RIMS1: variants seen among roughly 807,000 people sequenced by gnomAD.
RIMS1 encodes the protein regulating synaptic membrane exocytosis protein 1.
RIMS1 carries 83 observed loss-of-function variants against 214.1 expected under a neutral mutation model. The observed-to-expected ratio is 0.39, with a 90% CI of 0.32 to 0.47. The LOEUF (loss-of-function observed/expected upper bound fraction) is 0.47. RIMS1 is among the 20% of genes least tolerant of loss of function. RIMS1 has a pLI of 0.99. For synonymous variants in RIMS1, 793 were observed against 786.8 expected, an observed-to-expected ratio of 1.01 and a Z score of -0.13; for missense variants, 2,050 against 2,161.8, an observed-to-expected ratio of 0.95 and a Z score of 1.03.
chr6:72,197,497 A>C (rs911497670), intron 6 of RIMS1, among the ~76,000 whole-genome samples: 3 of 152,132 alleles, frequency 2.0e-5, no homozygotes, highest in Non-Finnish European at 4.4e-5. Context: ...TTGTTCACCC[A>C]AACACACAAA....
intron 1 of RIMS1, among the ~76,000 whole-genome samples, chr6:71,952,321 C>T (rs993516299): frequency 6.6e-6 from 1 of 152,088 alleles, no homozygotes; most frequent in Non-Finnish European, 1.5e-5. Context: ...AAAAAAGTTC[C>T]AGTATGTTTA....
At chr6:72,108,244 T>C (rs1358467850) in intron 4 of RIMS1, among the ~76,000 whole-genome samples, 3 of 136,304 alleles carry the variant, frequency 2.2e-5, no homozygotes, top group African/African-American at 7.8e-5. Context: ...GCCACCATGC[T>C]TGGATAATTT....
At chr6:72,042,321 C>T (rs140045800) in intron 2 of RIMS1, among the ~76,000 whole-genome samples, 72 of 151,888 alleles carry the variant, frequency 4.7e-4, no homozygotes, top group Middle Eastern at 6.8e-3. Context: ...CATACTTTTA[C>T]GGAAGTATTA....
At chr6:72,088,745 T>C (rs367796985) in intron 2 of RIMS1, among the ~76,000 whole-genome samples, 87 of 152,336 alleles carry the variant, frequency 5.7e-4, no homozygotes, top group African/African-American at 1.9e-3. Context: ...ATGCATAGTT[T>C]TTTAGTAATA....
chr6:71,947,485 G>A lies in RIMS1; in HGVS notation c.165-21498G>A, dbSNP rs544894859. Among the ~76,000 whole-genome samples the A allele has an allele frequency of 8.5e-5, 13 of 152,156 alleles. No homozygotes were observed. The East Asian group carries it at 2.5e-3, about 29-fold the overall frequency. On this transcript the variant is annotated intron_variant, in intron 1 of 33. Transcript: ENST00000521978. Reference sequence around the variant, plus strand: ...ATACCGCATGATTTCACTTATATGTGGAGTGTAAAAGTCAAACTCAGAAAC... The same window carrying A: ...ATACCGCATGATTTCACTTATATGTAGAGTGTAAAAGTCAAACTCAGAAAC...
intron 2 of RIMS1, among the ~76,000 whole-genome samples, chr6:72,094,288 A>G (rs1333587219): frequency 1.3e-5 from 2 of 152,192 alleles, no homozygotes; most frequent in Non-Finnish European, 2.9e-5. Context: ...TATGTACGGT[A>G]ATAAAACATA....
At chr6:71,954,949 T>C in intron 1 of RIMS1, among the ~76,000 whole-genome samples, 1 of 152,026 alleles carries the variant, frequency 6.6e-6, no homozygotes, top group Non-Finnish European at 1.5e-5. Flanking sequence ...TTACCTATTC[T>C]TAGGCTTTAT....
chr6:72,094,144 T>A (rs116327289), intron 2 of RIMS1, among the ~76,000 whole-genome samples: 66,095 of 151,778 alleles, frequency 0.44, 15,427 homozygotes, highest in Non-Finnish European at 0.52. Context: ...AACAGACTAA[T>A]TTATACCTAT....
intron 2 of RIMS1, among the ~76,000 whole-genome samples, chr6:72,002,402 C>T (rs1805570895): frequency 1.3e-5 from 2 of 151,788 alleles, no homozygotes; most frequent in African/African-American, 4.8e-5. Context: ...AACAATACCC[C>T]AGAAGTCTGG....
At chr6:72,126,882 CA>C (rs1344577250) in intron 4 of RIMS1, among the ~76,000 whole-genome samples, 1 of 150,920 alleles carries the variant, frequency 6.6e-6, no homozygotes, top group Non-Finnish European at 1.5e-5. Flanking sequence ...ATTCCTTAAA[CA>C]ACTAAAAGTT....
At chr6:71,941,113 GT>G (rs1785980364) in intron 1 of RIMS1, among the ~76,000 whole-genome samples, 1 of 151,758 alleles carries the variant, frequency 6.6e-6, no homozygotes, top group Non-Finnish European at 1.5e-5. Context: ...TATCAATGTA[GT>G]TTTTTTTCAC....
intron 28 of RIMS1, among the ~76,000 whole-genome samples, chr6:72,314,943 A>G (rs1213483238): frequency 2.0e-5 from 3 of 152,184 alleles, no homozygotes; most frequent in Non-Finnish European, 4.4e-5. Flanking sequence ...AGTGAATAGA[A>G]TTTGTATTAC....
At chr6:71,961,841 G>C (rs139575035) in intron 1 of RIMS1, among the ~76,000 whole-genome samples, 7 of 152,240 alleles carry the variant, frequency 4.6e-5, no homozygotes, top group Admixed American at 2.0e-4. Context: ...CAAAAGTTGT[G>C]TTGGATTTGC....
In RIMS1 at chr6:72,099,995, C is replaced by A; in HGVS notation, c.471+9C>A. 6.3e-7 allele frequency: 1 copy of A among 1,596,648 alleles called. No homozygotes were observed. Among genetic ancestry groups the A allele is most frequent in the African/African-American group, 1.3e-5 (1 of 74,644 alleles). ...CAAAGGAGGACAAAGTGGTTAGAATCCATACTTTCTTTTCTATCATTTGTT... is the reference window on the plus strand; with the variant it reads ...CAAAGGAGGACAAAGTGGTTAGAATACATACTTTCTTTTCTATCATTTGTT... On this transcript the variant is annotated intron_variant, in intron 4 of 33. Coordinates refer to ENST00000521978, the MANE Select transcript of RIMS1 (RefSeq NM_014989.7).
At chr6:72,301,956 G>A (rs1375790352) in intron 26 of RIMS1, among the ~76,000 whole-genome samples, 1 of 151,514 alleles carries the variant, frequency 6.6e-6, no homozygotes, top group Non-Finnish European at 1.5e-5. Flanking sequence ...CTGGAAATTA[G>A]GTAATAAAGC....
intron 1 of RIMS1, among the ~76,000 whole-genome samples, chr6:71,930,955 G>C (rs940459156): frequency 1.9e-4 from 29 of 151,878 alleles, no homozygotes; most frequent in African/African-American, 6.8e-4. Context: ...ATATTATGAA[G>C]CCACTAAAAA....
intron 29 of RIMS1, among the ~76,000 whole-genome samples, chr6:72,350,956 A>G (rs927861131): frequency 2.6e-5 from 4 of 152,262 alleles, no homozygotes; most frequent in African/African-American, 9.6e-5. Flanking sequence ...GAATATAAAT[A>G]TCTGCTTTTT....
intron 2 of RIMS1, among the ~76,000 whole-genome samples, chr6:72,093,155 C>T (rs933679372): frequency 2.7e-5 from 4 of 145,978 alleles, no homozygotes; most frequent in South Asian, 2.2e-4. Context: ...TTAGGAATTT[C>T]GGGTCCTAGA....
intron 2 of RIMS1, among the ~76,000 whole-genome samples, chr6:72,011,058 AC>A (rs200503290): frequency 0.12 from 17,907 of 152,222 alleles, 1,219 homozygotes; most frequent in South Asian, 0.17. Context: ...TGGAGTCTTC[AC>A]ACTTCCTGAT....
Sources: allele counts gnomAD v4.1 joint callset (sites outside exome capture counted in the v4.1 genomes callset), GRCh38; gene constraint gnomAD v4.1.1; transcripts MANE v1.5; gene names NCBI Gene and HGNC (gene_info 2026-07-23, HGNC 2026-07-21).